Variants in TMPRSS5 observed in about 807,000 individuals in gnomAD.
The protein encoded by TMPRSS5 is transmembrane serine protease 5.
Under a neutral mutation model 59.7 loss-of-function variants are expected in TMPRSS5, and 45 were observed. The observed-to-expected ratio is 0.75, with a 90% CI of 0.59 to 0.97. The LOEUF (loss-of-function observed/expected upper bound fraction) is 0.97. Among genes scored for constraint, TMPRSS5 ranks in the 50% least tolerant of loss-of-function variants. The probability of loss-of-function intolerance (pLI) is 0.00; values close to 1 mark genes in which losing one functional copy is unlikely to be tolerated. For missense variants in TMPRSS5, 585 were observed against 596.7 expected (o/e 0.98, Z 0.20); for synonymous variants, 225 against 232.0 (o/e 0.97, Z 0.27).
At chr11:113,690,176 G>GGCCCCCCCCCCCCCCCC in intron 11 of TMPRSS5, 55 bp downstream of exon 11, 5 of 388,220 alleles carry the variant, frequency 1.3e-5, no homozygotes, top group East Asian at 4.7e-5. Context: ...CAGGCCCCCT[G>GGCCCCCCCCCCCCCCCC]CCCTCCCACC....
intron 12 of TMPRSS5, among the ~76,000 whole-genome samples, chr11:113,689,547 C>A (rs962432188): frequency 6.6e-6 from 1 of 152,076 alleles, no homozygotes; most frequent in Non-Finnish European, 1.5e-5. Context: ...ATCTGGGATA[C>A]AAACTCAGGC....
intron 1 of TMPRSS5, among the ~76,000 whole-genome samples, chr11:113,701,858 C>T (rs956489136): frequency 6.6e-6 from 1 of 151,950 alleles, no homozygotes; most frequent in African/African-American, 2.4e-5. Flanking sequence ...CATAGGTATA[C>T]ATGTGCCGTG....
intron 1 of TMPRSS5, among the ~76,000 whole-genome samples, chr11:113,702,922 G>A (rs1282484867): frequency 6.6e-6 from 1 of 152,246 alleles, no homozygotes; most frequent in Non-Finnish European, 1.5e-5. Flanking sequence ...TGCCCTTGCA[G>A]ATGTTTGCTA....
Position 113,700,085 on chromosome 11 carries a change from A to G in TMPRSS5, c.87T>C (p.Pro29=). 1 of 1,571,250 alleles carries G rather than the reference A, an allele frequency of 6.4e-7. No individual in the cohort carries two copies. Among genetic ancestry groups the G allele is most frequent in the South Asian group, 1.2e-5 (1 of 84,534 alleles). Reference sequence around the variant, plus strand: ...GCCTACTGGGATGCTGCTGGTCTCCAGGCTCTGCTCTGAAGATCCCAGGTC... The same window carrying G: ...GCCTACTGGGATGCTGCTGGTCTCCGGGCTCTGCTCTGAAGATCCCAGGTC... ...GPGPGIFRAE[P]GDQQHPISQA... is the part of the protein sequence containing the mutation. Residue 29 remains proline, a synonymous_variant, in exon 2 of 13, where the codon CCT becomes CCC. Transcript: ENST00000299882.
rs1285209758 is a variant in TMPRSS5, at chr11:113,694,244, C to CAAAA, written c.785+230_785+233dup. The CAAAA allele has an allele frequency of 4.4e-3, 904 of 204,150 alleles. 1 individual carries two copies. The highest frequency in any genetic ancestry group is 5.4e-3 in the Non-Finnish European group (641 of 119,382). 12.6% of individuals were successfully genotyped at this position (204,150 alleles called of 1,614,324 possible). ...TGGGCAACAAAGTGAGACTCTGTCT[C>CAAAA]AAAAAAAAAAAAAAAAAACTGATGA... On this transcript the variant is annotated intron_variant, in intron 8 of 12. Transcript: ENST00000299882.
Position 113,690,818 on chromosome 11 carries a change from G to A in TMPRSS5, c.1063+23C>T, listed in dbSNP as rs778396904. 2.8e-5 allele frequency: 43 copies of A among 1,555,122 alleles called. 1 individual carries two copies. Among genetic ancestry groups the A allele is most frequent in the Non-Finnish European group, 3.2e-5 (37 of 1,145,840 alleles). ...TGCCTCCCACACCCGCCCCTGCACC[G>A]AGGGCCCAGGGAGCTGACTCACTAT... On this transcript the variant is annotated intron_variant, in intron 10 of 12. Transcript: ENST00000299882.
At chr11:113,689,420 C>T (rs184961371) in intron 12 of TMPRSS5, among the ~76,000 whole-genome samples, 7 of 152,062 alleles carry the variant, frequency 4.6e-5, no homozygotes, top group Non-Finnish European at 5.9e-5. Context: ...AGGCATTGTA[C>T]GGGTCTTATT....
At chr11:113,703,959 T>C (rs1189036857) in intron 1 of TMPRSS5, among the ~76,000 whole-genome samples, 1 of 152,198 alleles carries the variant, frequency 6.6e-6, no homozygotes, top group East Asian at 1.9e-4. Flanking sequence ...ACTACCATCA[T>C]CATTCAAAAG....
At position 113,706,253 on chromosome 11, in the gene TMPRSS5, C is replaced by T; in HGVS notation, c.-29G>A. The T allele has an allele frequency of 6.3e-7, 1 of 1,599,904 alleles. No homozygotes were observed. Among genetic ancestry groups the T allele is most frequent in the Non-Finnish European group, 8.5e-7 (1 of 1,173,418 alleles). ...GGTCAGTGGCACTGTTGTAAAGCCT[C>T]AGGGTCTACTAGGCAATGTTCCGCT... On this transcript the variant is annotated 5_prime_UTR_variant, in exon 1 of 13. Transcript: ENST00000299882.
intron 4 of TMPRSS5, among the ~76,000 whole-genome samples, chr11:113,698,425 T>C (rs1262164811): frequency 1.3e-5 from 2 of 152,208 alleles, no homozygotes; most frequent in Non-Finnish European, 2.9e-5. Flanking sequence ...TCCAACCTTA[T>C]TCTAATGAGG....
chr11:113,699,575 G>A lies in TMPRSS5; in HGVS notation c.205+20C>T. On this transcript the variant is annotated intron_variant, in intron 3 of 12. Coordinates refer to ENST00000299882, the MANE Select transcript of TMPRSS5 (RefSeq NM_030770.4). ...CCCTTCCAACCTCCCCCACACCAGA[G>A]AAAGGCCCCCAGCACTGACCTAGGA... is the stretch of plus-strand genomic sequence containing the variant. 1 of 1,556,464 alleles carries A rather than the reference G, an allele frequency of 6.4e-7. No individual in the cohort carries two copies. The highest frequency in any genetic ancestry group is 8.7e-7 in the Non-Finnish European group (1 of 1,149,406).
chr11:113,695,483 C>T lies in TMPRSS5; in HGVS notation c.579-40G>A, dbSNP rs45515199. The T allele has an allele frequency of 0.067, 107,036 of 1,607,648 alleles. 4,509 individuals are homozygous for T. The highest frequency in any genetic ancestry group is 0.2 in the African/African-American group (15,049 of 74,884). On this transcript the variant is annotated intron_variant, in intron 6 of 12. Transcript: ENST00000299882. ...TACCAACAAGAAGCTGGGCAGGGGC[C>T]GCCCTGCAGCCACACACATCCAAGG...
chr11:113,699,722 G>A lies in TMPRSS5; in HGVS notation c.107-29C>T. ...TGGGAAAGGGCAGAGGGGTATCTGG[G>A]TCCCCTGCTCCTGCCAGCCTGCCTT... On this transcript the variant is annotated intron_variant, in intron 2 of 12. Transcript: ENST00000299882. 3.2e-6 allele frequency: 5 copies of A among 1,547,046 alleles called. No homozygotes were observed. The South Asian group carries it at 6.0e-5, about 18-fold the overall frequency.
intron 9 of TMPRSS5, among the ~76,000 whole-genome samples, chr11:113,692,064 T>A (rs531675244): frequency 6.6e-6 from 1 of 152,164 alleles, no homozygotes; most frequent in African/African-American, 2.4e-5. Flanking sequence ...ATTTTTGTAT[T>A]TTTAGTAGAG....
At chr11:113,690,469 GA>G in intron 10 of TMPRSS5, 96 bp from the exon 11 acceptor site, 3 of 1,490,440 alleles carry the variant, frequency 2.0e-6, no homozygotes, top group Non-Finnish European at 2.7e-6. Context: ...CAGAGACAGG[GA>G]GACCCAAAGA....
chr11:113,692,000 G>C (rs1952796773), intron 9 of TMPRSS5, among the ~76,000 whole-genome samples: 2 of 148,806 alleles, frequency 1.3e-5, no homozygotes, highest in Admixed American at 6.9e-5. Context: ...TGATCCTCCT[G>C]CCTCAGCCTC....
At chr11:113,690,148 C>A in intron 11 of TMPRSS5, 83 bp downstream of exon 11, 1 of 1,479,836 alleles carries the variant, frequency 6.8e-7, no homozygotes. Flanking sequence ...CAGACCAGGG[C>A]AGGGGGCCAA....
intron 3 of TMPRSS5, 26 bp downstream of exon 3, chr11:113,699,569 A>C (rs749225672): frequency 6.5e-7 from 1 of 1,549,724 alleles, no homozygotes; most frequent in South Asian, 1.2e-5. Context: ...CCTCCCCCAC[A>C]CCAGAGAAAG....
intron 1 of TMPRSS5, 130 bp downstream of exon 1, chr11:113,706,092 G>T: frequency 9.1e-7 from 1 of 1,101,094 alleles, no homozygotes; most frequent in Non-Finnish European, 1.3e-6. Context: ...CCCCTGCTAG[G>T]ATCCAGCCCC....
Sources: allele counts gnomAD v4.1 joint callset (sites outside exome capture counted in the v4.1 genomes callset), GRCh38; gene constraint gnomAD v4.1.1; transcripts MANE v1.5; gene names NCBI Gene and HGNC (gene_info 2026-07-23, HGNC 2026-07-21).